BYSL: variants seen among roughly 807,000 people sequenced by gnomAD.
The protein encoded by BYSL is bystin like, also known as bystin.
A neutral mutation model predicts 45.4 loss-of-function variants in BYSL; 21 were observed. That is an observed-to-expected ratio of 0.46 (90% confidence interval 0.33 to 0.67). BYSL has a LOEUF of 0.67. Among genes scored for constraint, BYSL ranks in the 30% least tolerant of loss-of-function variants. The probability of loss-of-function intolerance (pLI) is 0.02; values close to 1 mark genes in which losing one functional copy is unlikely to be tolerated. For synonymous variants in BYSL, 215 were observed against 231.3 expected (o/e 0.93, Z 0.64); for missense variants, 522 against 578.5 (o/e 0.90, Z 1.00).
chr6:41,924,286 G>A (rs1436609281), intron 1 of BYSL, among the ~76,000 whole-genome samples: 2 of 151,304 alleles, frequency 1.3e-5, no homozygotes, highest in Admixed American at 6.6e-5. Flanking sequence ...GGCCAGCCTG[G>A]TCTCAAACTC....
chr6:41,930,756 A>G lies in BYSL; in HGVS notation c.692A>G (p.Tyr231Cys), dbSNP rs910872228. 4 of 1,613,044 alleles carry G rather than the reference A, an allele frequency of 2.5e-6. No homozygotes were observed. In the African/African-American group the frequency reaches 5.3e-5, roughly 22 times the overall value. Residue 231 changes from tyrosine to cysteine, a missense_variant, in exon 4 of 7, where the codon TAC (tyrosine) becomes TGC (cysteine). By Grantham distance (194) the Tyr-to-Cys change is radical. Coordinates refer to ENST00000230340, the MANE Select transcript of BYSL (RefSeq NM_004053.4). ...GAGGCCTGGACTGCAGCTGCCATGT[A>G]CCAGGCCACCAGGTAGAGTAGCTGG... ...EPEAWTAAAMYQATRIFASNL... is the reference protein window; with the variant it reads ...EPEAWTAAAMCQATRIFASNL...
At chr6:41,930,041 AGGG>A in intron 2 of BYSL, 88 bp from the exon 3 acceptor site, 1 of 1,521,488 alleles carries the variant, frequency 6.6e-7, no homozygotes, top group East Asian at 2.3e-5. Flanking sequence ...CGGTGCTCAC[AGGG>A]GACTGTGGGG....
chr6:41,913,408 C>A, the BYSL span, among the ~76,000 whole-genome samples: 4 of 152,188 alleles, frequency 2.6e-5, no homozygotes, highest in Non-Finnish European at 5.9e-5. Context: ...GCCTGCTCAG[C>A]CCACACCAGG....
chr6:41,922,811 T>C (rs1335180707), intron 1 of BYSL, among the ~76,000 whole-genome samples: 2 of 152,218 alleles, frequency 1.3e-5, no homozygotes, highest in Non-Finnish European at 2.9e-5. Flanking sequence ...AAATTTAACA[T>C]GTACAAAACA....
At position 41,930,626 on chromosome 6, in the gene BYSL, C is replaced by T; in HGVS notation, c.571-9C>T. ...ATGACGATGATTGTTTTACCTCCCT[C>T]ATCCCTAGGTATTATCTAAGTACCG... On this transcript the variant is annotated splice_polypyrimidine_tract_variant and intron_variant, in intron 3 of 6. Coordinates refer to ENST00000230340, the MANE Select transcript of BYSL (RefSeq NM_004053.4). 1 of 1,601,754 alleles carries T rather than the reference C, an allele frequency of 6.2e-7. No homozygotes were observed. Among genetic ancestry groups the T allele is most frequent in the Non-Finnish European group, 8.5e-7 (1 of 1,175,402 alleles).
chr6:41,931,721 TC>T lies in BYSL; in HGVS notation c.866-4del. The T allele has an allele frequency of 1.2e-6, 2 of 1,613,554 alleles. No homozygotes were observed. The highest frequency in any genetic ancestry group is 1.7e-6 in the Non-Finnish European group (2 of 1,179,528). Reference sequence around the variant, plus strand: ...GCTCACAGTGGCTGCCCTTTGACTCTCCCTAGGGATCCTGATTCCACTGTGC... The same window carrying T: ...GCTCACAGTGGCTGCCCTTTGACTCTCCTAGGGATCCTGATTCCACTGTGC... On this transcript the variant is annotated splice_polypyrimidine_tract_variant and splice_region_variant and intron_variant, in intron 5 of 6. Transcript: ENST00000230340.
chr6:41,927,270 A>G (rs1235845238), intron 1 of BYSL, 104 bp from the exon 2 acceptor site: 1 of 1,406,294 alleles, frequency 7.1e-7, no homozygotes, highest in Non-Finnish European at 9.8e-7. Context: ...TGCGTCTATC[A>G]CAACCACATG....
chr6:41,921,681 G>A lies in BYSL; in HGVS notation c.119G>A (p.Arg40His). 1 of 1,613,000 alleles carries A rather than the reference G, an allele frequency of 6.2e-7. No homozygotes were observed. The highest frequency in any genetic ancestry group is 8.5e-7 in the Non-Finnish European group (1 of 1,179,658). ...RAGVREKRRGRGTGEAEEEYV... is the reference protein window; with the variant it reads ...RAGVREKRRGHGTGEAEEEYV... ...GGGGTCCGGGAGAAGCGGCGGGGTC[G>A]CGGGACAGGAGAAGCGGAGGAAGAG... Residue 40 changes from arginine (R) to histidine (H), a missense_variant, in exon 1 of 7, where the codon CGC becomes CAC. Coordinates refer to ENST00000230340, the MANE Select transcript of BYSL (RefSeq NM_004053.4).
chr6:41,909,437 A>G, the BYSL span: 1 of 1,614,248 alleles, frequency 6.2e-7, no homozygotes, highest in Non-Finnish European at 8.5e-7. Flanking sequence ...TGTCAGCAAT[A>G]AGGCAAGGGC....
upstream of BYSL, chr6:41,918,054 G>T: frequency 3.7e-6 from 1 of 266,812 alleles, no homozygotes; most frequent in Non-Finnish European, 7.8e-6. Flanking sequence ...CTCCTATGGT[G>T]AGTGAACCTC....
chr6:41,921,187 G>A (rs1775458205), upstream of BYSL: 1 of 854,772 alleles, frequency 1.2e-6, no homozygotes, highest in African/African-American at 1.7e-5. Context: ...AATGGGGCGT[G>A]TCTCGGCACC....
intron 1 of BYSL, among the ~76,000 whole-genome samples, chr6:41,925,525 G>A (rs533631414): frequency 0.017 from 2,530 of 151,466 alleles, 52 homozygotes; most frequent in African/African-American, 0.051. Context: ...CACCACACCC[G>A]GCTAATTTTT....
At chr6:41,909,151 G>C in the BYSL span, 2 of 1,377,838 alleles carry the variant, frequency 1.5e-6, no homozygotes, top group East Asian at 4.6e-5. Context: ...TCCAGCCTGG[G>C]TGACAGAACA....
At position 41,927,454 on chromosome 6, in the gene BYSL, G is replaced by T; in HGVS notation, c.349G>T (p.Ala117Ser). 6.2e-7 allele frequency: 1 copy of T among 1,614,224 alleles called. No individual in the cohort carries two copies. Among genetic ancestry groups the T allele is most frequent in the Non-Finnish European group, 8.5e-7 (1 of 1,180,030 alleles). The stretch of plus-strand genomic sequence containing the variant: ...GGAGAAGGCTGCCACAATGACAGCA[G>T]CGGGCCATCATGCAGAGGTGGTTGT... ...TLEKAATMTA[A>S]GHHAEVVVDP... Residue 117 changes from alanine to serine, a missense_variant, in exon 2 of 7, where the codon GCG becomes TCG. Ala to Ser is a moderately conservative substitution (Grantham distance 99, BLOSUM62 1). Coordinates refer to ENST00000230340, the MANE Select transcript of BYSL (RefSeq NM_004053.4).
chr6:41,924,403 T>C (rs1250639794), intron 1 of BYSL, among the ~76,000 whole-genome samples: 1 of 152,194 alleles, frequency 6.6e-6, no homozygotes, highest in Non-Finnish European at 1.5e-5. Flanking sequence ...AATATATTTA[T>C]ATGTTTATTT....
At chr6:41,930,548 T>C (rs1209067165) in intron 3 of BYSL, 87 bp from the exon 4 acceptor site, 1 of 1,490,036 alleles carries the variant, frequency 6.7e-7, no homozygotes, top group Non-Finnish European at 9.0e-7. Context: ...TGAGTTAATA[T>C]ATTAAAAGCA....
chr6:41,917,421 A>G (rs980960090), upstream of BYSL: 12 of 179,492 alleles, frequency 6.7e-5, no homozygotes, highest in Non-Finnish European at 1.1e-4. Context: ...AAAATTTAAG[A>G]CCAGTCAAGT....
At chr6:41,926,114 T>C (rs1262357870) in intron 1 of BYSL, among the ~76,000 whole-genome samples, 3 of 152,238 alleles carry the variant, frequency 2.0e-5, no homozygotes, top group Non-Finnish European at 4.4e-5. Context: ...AGGAGACTCT[T>C]ATATCCAAGC....
upstream of BYSL, among the ~76,000 whole-genome samples, chr6:41,917,258 G>A (rs1272792220): frequency 1.3e-5 from 2 of 152,074 alleles, no homozygotes; most frequent in Non-Finnish European, 2.9e-5. Context: ...AAATTAGCTG[G>A]GCGTGGTAGC....
Sources: allele counts gnomAD v4.1 joint callset (sites outside exome capture counted in the v4.1 genomes callset), GRCh38; gene constraint gnomAD v4.1.1; transcripts MANE v1.5; gene names NCBI Gene and HGNC (gene_info 2026-07-23, HGNC 2026-07-21).